SCN11A: variants seen among roughly 807,000 people sequenced by gnomAD.
SCN11A encodes sodium voltage-gated channel alpha subunit 11.
In SCN11A, 122 loss-of-function variants were observed where a neutral mutation model predicts 162.2. That is an observed-to-expected ratio of 0.75 (90% CI 0.65 to 0.87). The LOEUF is 0.87. Among genes scored for constraint, SCN11A ranks in the 40% least tolerant of loss-of-function variants. SCN11A has a pLI of 0.00. For missense variants in SCN11A, 2,015 were observed against 2,181.6 expected, an observed-to-expected ratio of 0.92 and a Z score of 1.52; for synonymous variants, 758 against 751.5, an observed-to-expected ratio of 1.01 and a Z score of -0.14.
chr3:39,012,380 C>G (rs1218236904), intron 2 of SCN11A, among the ~76,000 whole-genome samples: 1 of 151,996 alleles, frequency 6.6e-6, no homozygotes, highest in Non-Finnish European at 1.5e-5. Flanking sequence ...ACTTGGTGTA[C>G]TGGATCAGCT....
chr3:38,872,605 T>C (rs1439761514), intron 23 of SCN11A, among the ~76,000 whole-genome samples: 1 of 152,174 alleles, frequency 6.6e-6, no homozygotes, highest in Non-Finnish European at 1.5e-5. Flanking sequence ...TTTATTATGA[T>C]AGTCAATTGC....
chr3:38,924,140 C>T (rs77717470), intron 9 of SCN11A, among the ~76,000 whole-genome samples: 5,131 of 152,166 alleles, frequency 0.034, 124 homozygotes, highest in South Asian at 0.066. Flanking sequence ...CTCCCATCTC[C>T]CCTACATTCC....
rs1357207534 is a variant in SCN11A at position 38,847,308 on chromosome 3, T to A, written c.4762A>T (p.Ile1588Phe). Residue 1588 changes from isoleucine (I) to phenylalanine (F), a missense_variant, in exon 30 of 30, where the codon ATT becomes TTT. Coordinates refer to ENST00000302328, the MANE Select transcript of SCN11A (RefSeq NM_001349253.2). ...GIATSYFVSYIIISFLIVVNM... is the reference protein window; with the variant it reads ...GIATSYFVSYFIISFLIVVNM... ...ACAACAATGAGAAAGGAGATGATAA[T>A]GTAACTGACAAAGTAGGATGTGGCT... The A allele has an allele frequency of 6.2e-7, 1 of 1,614,224 alleles. No individual in the cohort carries two copies. The highest frequency in any genetic ancestry group is 1.7e-5 in the Admixed American group (1 of 60,034).
At chr3:39,034,090 A>G (rs912076272) in intron 1 of SCN11A, among the ~76,000 whole-genome samples, 2 of 152,140 alleles carry the variant, frequency 1.3e-5, no homozygotes, top group Non-Finnish European at 2.9e-5. Flanking sequence ...TGCACCCAGG[A>G]GGCGGAGGTT....
intron 7 of SCN11A, among the ~76,000 whole-genome samples, chr3:38,934,021 A>T (rs1232705235): frequency 6.6e-6 from 1 of 152,162 alleles, no homozygotes; most frequent in Non-Finnish European, 1.5e-5. Context: ...CTAACAGCAG[A>T]CCTCTCGGCA....
At chr3:38,872,805 T>C (rs2065151000) in intron 23 of SCN11A, among the ~76,000 whole-genome samples, 2 of 152,028 alleles carry the variant, frequency 1.3e-5, no homozygotes, top group Admixed American at 1.3e-4. Flanking sequence ...TCAAGCAGTT[T>C]AGGGGGAAAA....
At chr3:38,862,557 A>G (rs2064981345) in intron 28 of SCN11A, among the ~76,000 whole-genome samples, 1 of 152,210 alleles carries the variant, frequency 6.6e-6, no homozygotes, top group African/African-American at 2.4e-5. Flanking sequence ...AATACTAGTC[A>G]GCCATAAAAA....
At chr3:39,000,401 CT>C (rs2125598061) in intron 2 of SCN11A, among the ~76,000 whole-genome samples, 1 of 152,324 alleles carries the variant, frequency 6.6e-6, no homozygotes, top group Non-Finnish European at 1.5e-5. Flanking sequence ...CATCTCCTGA[CT>C]TTGCACATGT....
rs766293876 is a variant in SCN11A, at chr3:38,920,008, GA to G, written c.893-8del. 10 of 1,605,612 alleles carry G rather than the reference GA, an allele frequency of 6.2e-6. No individual in the cohort carries two copies. In the East Asian group the frequency reaches 2.2e-4, roughly 36 times the overall value. On this transcript the variant is annotated splice_polypyrimidine_tract_variant and splice_region_variant and intron_variant, in intron 10 of 29. Coordinates refer to ENST00000302328, the MANE Select transcript of SCN11A (RefSeq NM_001349253.2). ...TTCTTTTCAAAGCAATGGTCTGAGA[GA>G]GGAAAAAGTCATAAATTCAGATTTT... is the stretch of plus-strand genomic sequence containing the variant.
At chr3:39,049,278 T>C (rs1053131381) in intron 1 of SCN11A, among the ~76,000 whole-genome samples, 6 of 152,246 alleles carry the variant, frequency 3.9e-5, no homozygotes, top group African/African-American at 1.2e-4. Context: ...TCTCAGTGAT[T>C]GAGTACACAA....
At chr3:38,869,026 G>C (rs928764850) in intron 26 of SCN11A, among the ~76,000 whole-genome samples, 1 of 152,066 alleles carries the variant, frequency 6.6e-6, no homozygotes, top group East Asian at 1.9e-4. Context: ...GAGATGACGG[G>C]GAAAACGCTC....
At chr3:38,917,092 A>C (rs1397062527) in intron 11 of SCN11A, among the ~76,000 whole-genome samples, 1 of 152,244 alleles carries the variant, frequency 6.6e-6, no homozygotes, top group African/African-American at 2.4e-5. Context: ...TCATTAGAGA[A>C]ATACAAATCA....
chr3:38,849,257 C>CTTTTTTTTTT (rs55781629), intron 29 of SCN11A: 3 of 69,866 alleles, frequency 4.3e-5, no homozygotes, highest in African/African-American at 6.5e-5. Flanking sequence ...TTTTCTAGCC[C>CTTTTTTTTTT]TTTTTTTTTT....
chr3:39,040,358 A>G (rs1411840603), intron 1 of SCN11A, among the ~76,000 whole-genome samples: 1 of 152,218 alleles, frequency 6.6e-6, no homozygotes, highest in Non-Finnish European at 1.5e-5. Context: ...TCAACACTAC[A>G]GGTCACAACT....
chr3:38,891,680 G>A (rs1037075735), intron 19 of SCN11A, among the ~76,000 whole-genome samples: 8 of 152,130 alleles, frequency 5.3e-5, no homozygotes, highest in African/African-American at 1.4e-4. Context: ...ATGGCAGAAG[G>A]CATCACCACA....
At chr3:38,972,481 G>T (rs2066822277) in intron 2 of SCN11A, among the ~76,000 whole-genome samples, 1 of 152,136 alleles carries the variant, frequency 6.6e-6, no homozygotes, top group African/African-American at 2.4e-5. Context: ...GGCCCCAGCT[G>T]TCTCTCACCT....
At chr3:38,876,249 A>T (rs2065205103) in intron 23 of SCN11A, among the ~76,000 whole-genome samples, 1 of 152,194 alleles carries the variant, frequency 6.6e-6, no homozygotes, top group South Asian at 2.1e-4. Flanking sequence ...ACCTGAAACC[A>T]TACAAATTCT....
intron 14 of SCN11A, 64 bp downstream of exon 14, chr3:38,907,885 T>C (rs916874104): frequency 3.7e-6 from 5 of 1,348,198 alleles, no homozygotes; most frequent in Middle Eastern, 1.9e-4. Flanking sequence ...TCAATTTGAT[T>C]GGCAATTGGA....
intron 2 of SCN11A, among the ~76,000 whole-genome samples, chr3:38,996,633 T>C (rs1023270235): frequency 2.6e-5 from 4 of 152,212 alleles, no homozygotes; most frequent in Admixed American, 6.5e-5. Flanking sequence ...GCTGAGAAGA[T>C]AATGTTCCCA....
Sources: gnomAD v4.1 joint callset for allele counts (sites outside exome capture counted in the v4.1 genomes callset) on GRCh38, gnomAD v4.1.1 for gene constraint, MANE v1.5 for transcripts, NCBI Gene and HGNC (gene_info 2026-07-23, HGNC 2026-07-21) for gene names.